Variants in LMOD3 observed in about 807,000 individuals in gnomAD.
The protein encoded by LMOD3 is leiomodin 3.
LMOD3 carries 31 observed loss-of-function variants against 41.8 expected under a neutral mutation model. The observed-to-expected ratio is 0.74, with a 90% CI of 0.56 to 1.00. The LOEUF (loss-of-function observed/expected upper bound fraction) is 1.00. Among genes scored for constraint, LMOD3 ranks in the 50% least tolerant of loss-of-function variants. The pLI is 0.00. For missense variants in LMOD3, 755 were observed against 679.5 expected, an observed-to-expected ratio of 1.11 and a Z score of -1.23; for synonymous variants, 292 against 241.9, an observed-to-expected ratio of 1.21 and a Z score of -1.92.
rs1417998924 is a variant in LMOD3, at chr3:69,106,548, C to G, written c.*2547G>C. On this transcript the variant is annotated 3_prime_UTR_variant, in exon 3 of 3. Coordinates refer to ENST00000420581, the MANE Select transcript of LMOD3 (RefSeq NM_198271.5). ...ACTGCTTCACCTCTTTTGGCAAAAC[C>G]TGTGTATTGAGGCCATAAGCTATGA... Among the ~76,000 whole-genome samples the G allele has an allele frequency of 6.6e-6, 1 of 152,102 alleles. No homozygotes were observed. Among genetic ancestry groups the G allele is most frequent in the African/African-American group, 2.4e-5 (1 of 41,406 alleles).
chr3:69,122,247 C>G lies in LMOD3; in HGVS notation c.140G>C (p.Ser47Thr), dbSNP rs770876788. Residue 47 changes from serine to threonine, a missense_variant, in exon 1 of 3, where the codon AGC becomes ACC. Coordinates refer to ENST00000420581, the MANE Select transcript of LMOD3 (RefSeq NM_198271.5). Reference protein sequence around the residue: ...SEMEVMAPDPSLPVGMIQKDQ... With the variant: ...SEMEVMAPDPTLPVGMIQKDQ... ...TTTCTGAATCATTCCCACGGGAAGG[C>G]TGGGGTCAGGGGCCATGACTTCCAT... The G allele has an allele frequency of 2.5e-6, 4 of 1,613,640 alleles. No individual in the cohort carries two copies. The highest frequency in any genetic ancestry group is 3.4e-6 in the Non-Finnish European group (4 of 1,179,808).
intron 1 of LMOD3, among the ~76,000 whole-genome samples, chr3:69,121,763 AAGAG>A (rs1432732213): frequency 2.6e-5 from 4 of 152,308 alleles, no homozygotes; most frequent in Admixed American, 2.0e-4. Flanking sequence ...ATAAAAAAGA[AAGAG>A]AGAGGTAAGG....
In LMOD3 at chr3:69,122,361, T is replaced by C. The variant is rs2092412987; in HGVS notation, c.26A>G (p.Asp9Gly). 2 of 1,609,966 alleles carry C rather than the reference T, an allele frequency of 1.2e-6. No individual in the cohort carries two copies. Among genetic ancestry groups the C allele is most frequent in the South Asian group, 1.1e-5 (1 of 90,802 alleles). The change falls in exon 1 of 3, where the codon GAT (aspartate) becomes GGT (glycine). Residue 9 changes from aspartate (D) to glycine (G), a missense_variant. Transcript: ENST00000420581. ...CTCCTCATCGAGAAGTTCTTCTTGA[T>C]CTGAATTTCTGCTGTGCTCTGACAT... MSEHSRNS[D>G]QEELLDEEIN...
intron 2 of LMOD3, among the ~76,000 whole-genome samples, chr3:69,116,175 C>A (rs1393320258): frequency 2.0e-5 from 3 of 152,172 alleles, no homozygotes; most frequent in African/African-American, 7.2e-5. Context: ...CAGAAAGGCA[C>A]AGAAACAGAG....
Position 69,122,335 on chromosome 3 carries a change from T to A in LMOD3, c.52A>T (p.Ile18Phe). The stretch of plus-strand genomic sequence containing the variant: ...TTGGCCAAGATTTCATCTTCATTAA[T>A]CTCCTCATCGAGAAGTTCTTCTTGA... Reference protein sequence around the residue: ...SDQEELLDEEINEDEILANLS... With the variant: ...SDQEELLDEEFNEDEILANLS... Residue 18 changes from isoleucine to phenylalanine, a missense_variant, in exon 1 of 3, where the codon ATT (isoleucine) becomes TTT (phenylalanine). Coordinates refer to ENST00000420581, the MANE Select transcript of LMOD3 (RefSeq NM_198271.5). 1 of 1,612,864 alleles carries A rather than the reference T, an allele frequency of 6.2e-7. No homozygotes were observed. The highest frequency in any genetic ancestry group is 1.1e-5 in the South Asian group (1 of 90,958).
intron 2 of LMOD3, among the ~76,000 whole-genome samples, chr3:69,110,853 A>AATATATAT (rs1302203949): frequency 4.5e-4 from 47 of 104,102 alleles, no homozygotes; most frequent in African/African-American, 7.2e-4. Flanking sequence ...AAAAAAAAAA[A>AATATATAT]ATATATATAT....
At position 69,108,926 on chromosome 3, in the gene LMOD3, T is replaced by G. The variant is rs538734354; in HGVS notation, c.*169A>C. 1 of 559,702 alleles carries G rather than the reference T, an allele frequency of 1.8e-6. No individual in the cohort carries two copies. Among genetic ancestry groups the G allele is most frequent in the East Asian group, 3.1e-5 (1 of 32,260 alleles). The allele number at this position is 559,702 out of a possible 1,614,324, so 34.7% of individuals were successfully genotyped here. On this transcript the variant is annotated 3_prime_UTR_variant, in exon 3 of 3. Coordinates refer to ENST00000420581, the MANE Select transcript of LMOD3 (RefSeq NM_198271.5). ...TCCACCTTCCTCTTCAGCCCCTACT[T>G]CTTCATGGCCCAAACATTCTGCCTT...
rs761830867 is a variant in LMOD3 at position 69,119,766 on chromosome 3, T to C, written c.589A>G (p.Lys197Glu). 2.1e-5 allele frequency: 34 copies of C among 1,613,354 alleles called. No individual in the cohort carries two copies. The highest frequency in any genetic ancestry group is 2.7e-5 in the Non-Finnish European group (32 of 1,179,538). ...GCCTCTGGTCTGTCTCTCTGTTCTT[T>C]GAATGCTTTGTCAGTTACCTGCTGG... ...NCQQVTDKAF[K>E]EQRDRPEAQE... Residue 197 changes from lysine to glutamate, a missense_variant, in exon 2 of 3, where the codon AAA (lysine) becomes GAA (glutamate). Coordinates refer to ENST00000420581, the MANE Select transcript of LMOD3 (RefSeq NM_198271.5).
In LMOD3 at chr3:69,118,933, C is replaced by T; in HGVS notation, c.1422G>A (p.Gln474=). ...QRSEMMKKPS[Q]APKYRTDPDS... ...CAGGGTCTGTCCTGTACTTCGGGGC[C>T]TGCGATGGCTTTTTCATCATTTCAC... The change falls in exon 2 of 3, where the codon CAG becomes CAA. Residue 474 remains glutamine, a synonymous_variant. Coordinates refer to ENST00000420581, the MANE Select transcript of LMOD3 (RefSeq NM_198271.5). The T allele has an allele frequency of 6.2e-7, 1 of 1,612,404 alleles. No homozygotes were observed. Among genetic ancestry groups the T allele is most frequent in the East Asian group, 2.2e-5 (1 of 44,816 alleles).
Position 69,118,700 on chromosome 3 carries a change from G to T in LMOD3, c.1655C>A (p.Pro552His), listed in dbSNP as rs145387235. 0.017 allele frequency: 27,378 copies of T among 1,610,364 alleles called. 285 individuals are homozygous for T. The highest frequency in any genetic ancestry group is 0.02 in the Non-Finnish European group (23,759 of 1,178,246). Residue 552 changes from proline to histidine, a missense_variant and splice_region_variant, in exon 2 of 3, where the codon CCT becomes CAT. Physicochemically the swap from Pro to His is moderately conservative, Grantham distance 77. Transcript: ENST00000420581. ...IRHSSVAYLK[P>H]VQLPKELA ...CCATTTCTCCCTCCTTCTACTTACA[G>T]GTTTAAGATAGGCGACACTGCTGTG...
Position 69,109,033 on chromosome 3 carries a change from C to T in LMOD3, c.*62G>A. 1.4e-6 allele frequency: 2 copies of T among 1,392,342 alleles called. No homozygotes were observed. Among genetic ancestry groups the T allele is most frequent in the South Asian group, 1.2e-5 (1 of 80,690 alleles). The allele number at this position is 1,392,342 out of a possible 1,614,324, so 86.2% of individuals were successfully genotyped here. A position where few individuals can be genotyped will look rare whatever the true frequency, so the allele number is the denominator to read the frequency against. On this transcript the variant is annotated 3_prime_UTR_variant, in exon 3 of 3. Coordinates refer to ENST00000420581, the MANE Select transcript of LMOD3 (RefSeq NM_198271.5). Reference sequence around the variant, plus strand: ...AAAGTATTGCTGCTGACATAGTCTCCATGCTGTAATCCAAGAGTCACTATT... The same window carrying T: ...AAAGTATTGCTGCTGACATAGTCTCTATGCTGTAATCCAAGAGTCACTATT...
At chr3:69,110,853 A>AAAAAAAAAAAAAAAAAAAT (rs1458630453) in intron 2 of LMOD3, among the ~76,000 whole-genome samples, 1 of 104,168 alleles carries the variant, frequency 9.6e-6, no homozygotes, top group Admixed American at 9.5e-5. Flanking sequence ...AAAAAAAAAA[A>AAAAAAAAAAAAAAAAAAAT]ATATATATAT....
At position 69,107,467 on chromosome 3, in the gene LMOD3, T is replaced by TGG. The variant is rs1559656843; in HGVS notation, c.*1627_*1628insCC. The TGG allele has an allele frequency of 1.0e-5, 1 of 95,838 alleles. No homozygotes were observed. The highest frequency in any genetic ancestry group is 2.8e-4 in the East Asian group (1 of 3,562). The allele number at this position is 95,838 out of a possible 1,614,324, so 5.9% of individuals were successfully genotyped here. The stretch of plus-strand genomic sequence containing the variant: ...AGGCACCAAAGGTTTTTTTTTTTTT[T>TGG]TTTTTTTTTTTTTTTTTTTTTTTTT... On this transcript the variant is annotated 3_prime_UTR_variant, in exon 3 of 3. Coordinates refer to ENST00000420581, the MANE Select transcript of LMOD3 (RefSeq NM_198271.5).
chr3:69,122,009 C>G (rs1460110606), intron 1 of LMOD3, 84 bp downstream of exon 1: 2 of 1,143,282 alleles, frequency 1.7e-6, no homozygotes, highest in Non-Finnish European at 2.5e-6. Context: ...ACCCTGGAGT[C>G]TTGAGAAATC....
At chr3:69,112,872 G>A (rs1199476907) in intron 2 of LMOD3, among the ~76,000 whole-genome samples, 2 of 152,176 alleles carry the variant, frequency 1.3e-5, no homozygotes, top group Admixed American at 6.5e-5. Context: ...AATAACATTT[G>A]AGAATCACTA....
chr3:69,119,203 C>T lies in LMOD3; in HGVS notation c.1152G>A (p.Met384Ile), dbSNP rs1424776785. The change falls in exon 2 of 3, where the codon ATG becomes ATA. Residue 384 changes from methionine (M) to isoleucine (I), a missense_variant. Coordinates refer to ENST00000420581, the MANE Select transcript of LMOD3 (RefSeq NM_198271.5). ...TCCTGGTGAGCAGATTAGTGACCAC[C>T]ATTCTGGGACCCGGAAGCTCAAAAT... ...GYHFELPGPRMVVTNLLTRNQ... is the reference protein window; with the variant it reads ...GYHFELPGPRIVVTNLLTRNQ... 5.0e-6 allele frequency: 8 copies of T among 1,613,774 alleles called. No individual in the cohort carries two copies. Among genetic ancestry groups the T allele is most frequent in the Non-Finnish European group, 5.1e-6 (6 of 1,179,872 alleles).
rs1181660710 is a variant in LMOD3 at position 69,108,727 on chromosome 3, A to G, written c.*368T>C. The G allele has an allele frequency of 5.4e-6, 1 of 185,994 alleles. No individual in the cohort carries two copies. Among genetic ancestry groups the G allele is most frequent in the Non-Finnish European group, 1.1e-5 (1 of 90,416 alleles). The allele number at this position is 185,994 out of a possible 1,614,324, so 11.5% of individuals were successfully genotyped here. A position where few individuals can be genotyped will look rare whatever the true frequency, so the allele number is the denominator to read the frequency against. ...AAGGAGAAAAAAATGGGAATACAATAGTTAACACTTCTGTTATATTTATTA... is the reference window on the plus strand; with the variant it reads ...AAGGAGAAAAAAATGGGAATACAATGGTTAACACTTCTGTTATATTTATTA... On this transcript the variant is annotated 3_prime_UTR_variant, in exon 3 of 3. Coordinates refer to ENST00000420581, the MANE Select transcript of LMOD3 (RefSeq NM_198271.5).
At position 69,115,509 on chromosome 3, in the gene LMOD3, CACACACACAA is replaced by C. The variant is rs2092368002; in HGVS notation, c.1656+3180_1656+3189del. Among the ~76,000 whole-genome samples, 13 of 129,980 alleles carry C rather than the reference CACACACACAA, an allele frequency of 1.0e-4. No homozygotes were observed. The South Asian group carries it at 3.2e-3, about 32-fold the overall frequency. The allele number at this position is 129,980 out of a possible 152,430, so 85.3% of individuals were successfully genotyped here. On this transcript the variant is annotated intron_variant, in intron 2 of 2. Coordinates refer to ENST00000420581, the MANE Select transcript of LMOD3 (RefSeq NM_198271.5). ...ACACACACACACACACACACACACACACACACACAAAACTTTTCTAAGAAAAAAATTTGTT... is the reference window on the plus strand; with the variant it reads ...ACACACACACACACACACACACACACAACTTTTCTAAGAAAAAAATTTGTT...
Position 69,119,631 on chromosome 3 carries a change from C to A in LMOD3, c.724G>T (p.Asp242Tyr), listed in dbSNP as rs1314058904. 2 of 1,613,822 alleles carry A rather than the reference C, an allele frequency of 1.2e-6. No homozygotes were observed. Among genetic ancestry groups the A allele is most frequent in the Admixed American group, 3.3e-5 (2 of 59,988 alleles). Residue 242 changes from aspartate (D) to tyrosine (Y), a missense_variant, in exon 2 of 3, where the codon GAT (aspartate) becomes TAT (tyrosine). Coordinates refer to ENST00000420581, the MANE Select transcript of LMOD3 (RefSeq NM_198271.5). ...TRPSGNQTDL[D>Y]GSLRRVRKND... is the part of the protein sequence containing the mutation. ...TTCCTAACTCTCCTCAAGCTCCCAT[C>A]CAGGTCTGTCTGGTTTCCTGAAGGC...
Sources: allele counts gnomAD v4.1 joint callset (sites outside exome capture counted in the v4.1 genomes callset), GRCh38; gene constraint gnomAD v4.1.1; transcripts MANE v1.5; gene names NCBI Gene and HGNC (gene_info 2026-07-23, HGNC 2026-07-21).